PTPN5: variants seen among roughly 807,000 people sequenced by gnomAD.
The protein encoded by PTPN5 is protein tyrosine phosphatase non-receptor type 5.
A neutral mutation model predicts 73.9 loss-of-function variants in PTPN5; 29 were observed. The ratio of observed to expected loss-of-function variants is 0.39; its 90% CI spans 0.29 to 0.54. PTPN5 has a LOEUF of 0.54. PTPN5 is among the 20% of genes least tolerant of loss of function. The pLI is 0.65. For missense variants in PTPN5, 652 were observed against 751.4 expected, an observed-to-expected ratio of 0.87 and a Z score of 1.55; for synonymous variants, 267 against 304.7, an observed-to-expected ratio of 0.88 and a Z score of 1.29.
chr11:18,729,364 C>G lies in PTPN5; in HGVS notation c.1604+89G>C. The G allele has an allele frequency of 1.4e-6, 1 of 706,066 alleles. No homozygotes were observed. The highest frequency in any genetic ancestry group is 2.0e-5 in the Admixed American group (1 of 49,680). 43.7% of individuals were successfully genotyped at this position (706,066 alleles called of 1,614,324 possible). ...GCCAGTGTTTTCCATCTGCCCCTCA[C>G]CCCCCGCCCATGCACATGTGGGTCT... On this transcript the variant is annotated intron_variant, in intron 14 of 14. Transcript: ENST00000358540. This position sits in a 1 kb window ranked among gnomAD's most constrained non-coding sequence, Gnocchi z 5.2.
intron 4 of PTPN5, 47 bp downstream of exon 4, chr11:18,743,959 C>T: frequency 6.6e-7 from 1 of 1,516,764 alleles, no homozygotes; most frequent in Non-Finnish European, 8.8e-7. Flanking sequence ...GGCTGGCCCT[C>T]CACCCACCCT....
chr11:18,792,355 G>A (rs1485246245), upstream of PTPN5: 1 of 152,348 alleles, frequency 6.6e-6, no homozygotes, highest in African/African-American at 2.4e-5. Context: ...AATACCAGGT[G>A]CCGAGGACTC....
At chr11:18,741,421 G>C (rs569318540) in intron 7 of PTPN5, among the ~76,000 whole-genome samples, 1 of 152,174 alleles carries the variant, frequency 6.6e-6, no homozygotes, top group Non-Finnish European at 1.5e-5. Context: ...CATAGAAAGA[G>C]AAACTGAGTC....
intron 1 of PTPN5, among the ~76,000 whole-genome samples, chr11:18,776,168 A>C: frequency 6.6e-6 from 1 of 152,202 alleles, no homozygotes; most frequent in East Asian, 1.9e-4. Context: ...GGGAGAAAAC[A>C]GGCAATCACA....
chr11:18,771,762 G>C (rs1248639309), intron 2 of PTPN5, among the ~76,000 whole-genome samples, 177 bp downstream of exon 2: 1 of 152,196 alleles, frequency 6.6e-6, no homozygotes, highest in East Asian at 1.9e-4. Flanking sequence ...ATGCCATCCA[G>C]ATTTTCATCA....
chr11:18,740,924 G>T, intron 7 of PTPN5, 132 bp from the exon 8 acceptor site: 1 of 489,276 alleles, frequency 2.0e-6, no homozygotes. Flanking sequence ...AAGAGGAGTG[G>T]GAGTGTGACA....
chr11:18,782,317 T>TC (rs1414898957), intron 1 of PTPN5, among the ~76,000 whole-genome samples: 1 of 151,886 alleles, frequency 6.6e-6, no homozygotes, highest in Non-Finnish European at 1.5e-5. Flanking sequence ...AACCTCCACC[T>TC]CCCAGGTTCC....
chr11:18,730,214 C>T (rs940993834), intron 12 of PTPN5: 7 of 397,250 alleles, frequency 1.8e-5, no homozygotes, highest in Non-Finnish European at 2.2e-5. Context: ...GCCTCGCCTG[C>T]GCCTGCGTGA....
At chr11:18,755,589 C>A (rs1464516178) in intron 3 of PTPN5, among the ~76,000 whole-genome samples, 4 of 151,996 alleles carry the variant, frequency 2.6e-5, no homozygotes, top group African/African-American at 9.7e-5. Flanking sequence ...TAACTCAAGA[C>A]TGGCAGAGGG....
At chr11:18,772,904 C>T (rs1409852131) in intron 1 of PTPN5, among the ~76,000 whole-genome samples, 2 of 151,974 alleles carry the variant, frequency 1.3e-5, no homozygotes, top group South Asian at 2.1e-4. Flanking sequence ...CCAGCCAGAC[C>T]CCTAAGGAGG....
Position 18,742,622 on chromosome 11 carries a change from C to T in PTPN5, c.484-119G>A, listed in dbSNP as rs1849421258. 1.4e-6 allele frequency: 2 copies of T among 1,444,338 alleles called. No individual in the cohort carries two copies. Among genetic ancestry groups the T allele is most frequent in the Non-Finnish European group, 1.9e-6 (2 of 1,081,004 alleles). 89.5% of individuals were successfully genotyped at this position (1,444,338 alleles called of 1,614,324 possible). A position where few individuals can be genotyped will look rare whatever the true frequency, so the allele number is the denominator to read the frequency against. The stretch of plus-strand genomic sequence containing the variant: ...TCAGTGTGTCTAGAGCAGCTCTGCT[C>T]TCCTGGGAGTTGTCCACAAGGCACT... On this transcript the variant is annotated intron_variant, in intron 6 of 14. Coordinates refer to ENST00000358540, the MANE Select transcript of PTPN5 (RefSeq NM_006906.2). The surrounding 1 kb of genome is among the most constrained non-coding windows in gnomAD (Gnocchi z 4.1).
intron 1 of PTPN5, among the ~76,000 whole-genome samples, chr11:18,777,678 G>A (rs1292167599): frequency 6.6e-6 from 1 of 152,146 alleles, no homozygotes; most frequent in East Asian, 1.9e-4. Flanking sequence ...AGGCATGGTG[G>A]CTCACACCTG....
rs1849423189 is a variant in PTPN5 at position 18,742,649 on chromosome 11, C to T, written c.484-146G>A. 2.1e-5 allele frequency: 26 copies of T among 1,229,600 alleles called. No homozygotes were observed. The highest frequency in any genetic ancestry group is 2.8e-5 in the Non-Finnish European group (25 of 901,988). The allele number at this position is 1,229,600 out of a possible 1,614,324, so 76.2% of individuals were successfully genotyped here. ...CCTGGGAGTTGTCCACAAGGCACTG[C>T]CCCTGGCCTCGATGGGAGGCTCCAT... On this transcript the variant is annotated intron_variant, in intron 6 of 14. Transcript: ENST00000358540. This position sits in a 1 kb window ranked among gnomAD's most constrained non-coding sequence, Gnocchi z 4.1.
chr11:18,729,122 C>A lies in PTPN5; in HGVS notation c.1605-95G>T. On this transcript the variant is annotated intron_variant, in intron 14 of 14. Coordinates refer to ENST00000358540, the MANE Select transcript of PTPN5 (RefSeq NM_006906.2). This position sits in a 1 kb window ranked among gnomAD's most constrained non-coding sequence, Gnocchi z 5.2. The stretch of plus-strand genomic sequence containing the variant: ...CATGGAGTAGCAATCACTTGCCAGG[C>A]CTTGCCCCTGTGCGTCTTGGAGAGA... 7.4e-7 allele frequency: 1 copy of A among 1,342,666 alleles called. No individual in the cohort carries two copies. Among genetic ancestry groups the A allele is most frequent in the Non-Finnish European group, 1.0e-6 (1 of 957,604 alleles). The allele number at this position is 1,342,666 out of a possible 1,614,324, so 83.2% of individuals were successfully genotyped here.
intron 5 of PTPN5, 60 bp from the exon 6 acceptor site, chr11:18,743,135 C>T: frequency 4.6e-6 from 6 of 1,310,518 alleles, no homozygotes; most frequent in Non-Finnish European, 6.5e-6. Context: ...TCAGCTCTTG[C>T]AATGATGACA....
rs773348825 is a variant in PTPN5 at position 18,733,363 on chromosome 11, C to T, written c.1090G>A (p.Gly364Arg). The T allele has an allele frequency of 1.2e-6, 2 of 1,613,616 alleles. No individual in the cohort carries two copies. The highest frequency in any genetic ancestry group is 1.1e-5 in the South Asian group (1 of 91,074). The change falls in exon 11 of 15, where the codon GGG becomes AGG. Residue 364 changes from glycine to arginine, a missense_variant. Transcript: ENST00000358540. The surrounding 1 kb of genome is among the most constrained non-coding windows in gnomAD (Gnocchi z 4.3). ...INANYIRGYG[G>R]EEKVYIATQG... ...GTGGCGATGTACACCTTCTCCTCCCCACCATAGCCCTGCGGCCAGCCAAGT... is the reference window on the plus strand; with the variant it reads ...GTGGCGATGTACACCTTCTCCTCCCTACCATAGCCCTGCGGCCAGCCAAGT...
At position 18,790,669 on chromosome 11, in the gene PTPN5, G is replaced by A. The variant is rs1259362276; in HGVS notation, c.-114+856C>T. Among the ~76,000 whole-genome samples, 3 of 152,104 alleles carry A rather than the reference G, an allele frequency of 2.0e-5. No individual in the cohort carries two copies. The East Asian group carries it at 5.8e-4, about 29-fold the overall frequency. ...TGCCCCTCCAAGTGGGGCAGGGCTG[G>A]AATTACACACTTTCGTGGTACACTC... On this transcript the variant is annotated intron_variant, in intron 1 of 14. Coordinates refer to ENST00000358540, the MANE Select transcript of PTPN5 (RefSeq NM_006906.2).
intron 1 of PTPN5, among the ~76,000 whole-genome samples, chr11:18,780,956 T>C (rs11024792): frequency 0.31 from 47,002 of 152,046 alleles, 7,601 homozygotes; most frequent in African/African-American, 0.34. Flanking sequence ...GGCTGCTGCA[T>C]GACACTCAGT....
At chr11:18,775,140 G>A (rs1851085775) in intron 1 of PTPN5, among the ~76,000 whole-genome samples, 1 of 152,170 alleles carries the variant, frequency 6.6e-6, no homozygotes, top group Admixed American at 6.5e-5. Context: ...GAAATTCAGA[G>A]AAGTAAAGTG....
Sources: gnomAD v4.1 joint callset for allele counts (sites outside exome capture counted in the v4.1 genomes callset) on GRCh38, gnomAD v4.1.1 for gene constraint, Gnocchi (gnomAD v3.1) non-coding constraint, MANE v1.5 for transcripts, NCBI Gene and HGNC (gene_info 2026-07-23, HGNC 2026-07-21) for gene names.